The following CIAPIN1 variants were observed in gnomAD, a reference collection of about 807,000 sequenced individuals.
CIAPIN1 encodes anamorsin.
A neutral mutation model predicts 34.3 loss-of-function variants in CIAPIN1; 18 were observed. The observed-to-expected ratio is 0.52, with a 90% CI of 0.36 to 0.78. CIAPIN1 has a LOEUF of 0.78. Ranked by LOEUF, CIAPIN1 falls within the 30% of genes least tolerant of loss-of-function variation. The pLI, the probability that CIAPIN1 is intolerant of heterozygous loss-of-function variation, is 0.00. For synonymous variants in CIAPIN1, 131 were observed against 140.4 expected (o/e 0.93, Z 0.47); for missense variants, 310 against 372.5 (o/e 0.83, Z 1.38).
chr16:57,442,120 C>T (rs1476621128), intron 1 of CIAPIN1, among the ~76,000 whole-genome samples: 5 of 152,130 alleles, frequency 3.3e-5, no homozygotes, highest in Admixed American at 1.3e-4. Flanking sequence ...CCGAGCCAGG[C>T]GAATTGCCTG....
At position 57,430,263 on chromosome 16, in the gene CIAPIN1, C is replaced by G; in HGVS notation, c.823G>C (p.Gly275Arg). The G allele has an allele frequency of 1.2e-6, 2 of 1,614,092 alleles. No homozygotes were observed. The highest frequency in any genetic ancestry group is 1.7e-6 in the Non-Finnish European group (2 of 1,179,948). ...GGAATGATCCTGATATTTACGTTTC[C>G]ACAAGCTGACTTGGGTTGGGAGCTC... ...QMSSQPKSAC[G>R]NCYLGDAFRC... Residue 275 changes from glycine to arginine, a missense_variant, in exon 8 of 9, where the codon GGA becomes CGA. Transcript: ENST00000394391.
intron 6 of CIAPIN1, chr16:57,431,604 A>G (rs1017999978): frequency 6.7e-5 from 12 of 178,846 alleles, no homozygotes; most frequent in Non-Finnish European, 1.3e-4. Context: ...GGCAGAACAG[A>G]GAAAGAGAGA....
At chr16:57,433,805 C>G in intron 5 of CIAPIN1, 2 of 406,884 alleles carry the variant, frequency 4.9e-6, no homozygotes, top group South Asian at 4.3e-5. Context: ...AATTAGGAGG[C>G]CTCGGTATCT....
intron 4 of CIAPIN1, among the ~76,000 whole-genome samples, chr16:57,434,898 G>A (rs1903166053): frequency 6.6e-6 from 1 of 152,178 alleles, no homozygotes; most frequent in African/African-American, 2.4e-5. Context: ...AGGTCTGAAC[G>A]GACATACAAA....
chr16:57,433,849 A>G (rs563352963), intron 5 of CIAPIN1, 195 bp downstream of exon 5: 5 of 521,150 alleles, frequency 9.6e-6, no homozygotes, highest in Non-Finnish European at 1.7e-5. Flanking sequence ...ACTAGATAAT[A>G]CCTATGTATT....
rs571370853 is a variant in CIAPIN1, at chr16:57,432,391, C to T, written c.630+96G>A. The T allele has an allele frequency of 3.0e-4, 287 of 961,724 alleles. 3 individuals carry two copies. The South Asian group carries it at 4.5e-3, about 15-fold the overall frequency. The allele number at this position is 961,724 out of a possible 1,614,324, so 59.6% of individuals were successfully genotyped here. On this transcript the variant is annotated intron_variant, in intron 6 of 8. Coordinates refer to ENST00000394391, the MANE Select transcript of CIAPIN1 (RefSeq NM_020313.4). ...TAGTCACAAATCTGGGCTTTAAATA[C>T]GTTCACACCTACAAGTCCAGAAAGG...
chr16:57,434,944 G>A (rs76505430), intron 4 of CIAPIN1, among the ~76,000 whole-genome samples: 2,642 of 152,314 alleles, frequency 0.017, 79 homozygotes, highest in African/African-American at 0.06. Context: ...AGGGAAGTGT[G>A]AGCAAGAAGT....
chr16:57,434,105 G>A lies in CIAPIN1; in HGVS notation c.495C>T (p.Asn165=), dbSNP rs200444496. ...GCTGCCTAGAAGAACCCACTTCAAA[G>A]TTTGGTTTTTTGCCTGTGATCTGAA... ...LFVQITGKKP[N]FEVGSSRQLK... Residue 165 remains asparagine (N), a synonymous_variant, in exon 5 of 9, where the codon AAC becomes AAT. Coordinates refer to ENST00000394391, the MANE Select transcript of CIAPIN1 (RefSeq NM_020313.4). The A allele has an allele frequency of 1.3e-3, 2,122 of 1,614,168 alleles. 4 individuals carry two copies. Among genetic ancestry groups the A allele is most frequent in the Non-Finnish European group, 1.6e-3 (1,910 of 1,180,022 alleles).
rs188460051 is a variant in CIAPIN1 at position 57,438,285 on chromosome 16, G to A, written c.310+897C>T. ...GAATCACTCTGACAGCTATACCACC[G>A]ATCAAAAAAGTTTTTACTTCATGAA... On this transcript the variant is annotated intron_variant, in intron 3 of 8. Transcript: ENST00000394391. Among the ~76,000 whole-genome samples, 12 of 152,146 alleles carry A rather than the reference G, an allele frequency of 7.9e-5. No homozygotes were observed. In the East Asian group the frequency reaches 9.7e-4, roughly 12 times the overall value.
rs758133148 is a variant in CIAPIN1 at position 57,429,295 on chromosome 16, T to G, written c.829-15A>C. On this transcript the variant is annotated splice_polypyrimidine_tract_variant and intron_variant, in intron 8 of 8. Coordinates refer to ENST00000394391, the MANE Select transcript of CIAPIN1 (RefSeq NM_020313.4). ...CCCAGGTAGCACTGGAGAGAGAGAA[T>G]GGGGAAGCCAAGGGTCAGCTTATCC... The G allele has an allele frequency of 6.3e-7, 1 of 1,577,200 alleles. No homozygotes were observed. The highest frequency in any genetic ancestry group is 8.7e-7 in the Non-Finnish European group (1 of 1,146,578).
chr16:57,429,892 G>A (rs865889590), intron 8 of CIAPIN1, among the ~76,000 whole-genome samples: 26 of 150,914 alleles, frequency 1.7e-4, no homozygotes, highest in Non-Finnish European at 2.8e-4. Context: ...TGATTCTCCC[G>A]CCTCAGCCTC....
At chr16:57,432,374 A>G in intron 6 of CIAPIN1, 113 bp downstream of exon 6, 1 of 819,978 alleles carries the variant, frequency 1.2e-6, no homozygotes, top group Non-Finnish European at 1.9e-6. Context: ...CATAGTCACA[A>G]ATCTGGGCTT....
intron 5 of CIAPIN1, chr16:57,433,616 T>C (rs1275228670): frequency 4.5e-6 from 1 of 221,462 alleles, no homozygotes; most frequent in Admixed American, 5.3e-5. Flanking sequence ...ATAAGTGTCT[T>C]AGCATCCTCA....
intron 5 of CIAPIN1, among the ~76,000 whole-genome samples, chr16:57,433,425 G>A (rs533169967): frequency 5.3e-5 from 8 of 152,310 alleles, no homozygotes; most frequent in Non-Finnish European, 1.2e-4. Flanking sequence ...AACCGTACAA[G>A]TGGGAATGTA....
At chr16:57,446,393 G>A (rs560494575) in intron 1 of CIAPIN1, among the ~76,000 whole-genome samples, 3 of 152,168 alleles carry the variant, frequency 2.0e-5, no homozygotes, top group Admixed American at 1.3e-4. Context: ...CCCCGCACCC[G>A]TGCAGGGGGG....
chr16:57,446,454 A>G (rs2030075303), intron 1 of CIAPIN1, among the ~76,000 whole-genome samples: 1 of 152,240 alleles, frequency 6.6e-6, no homozygotes, highest in African/African-American at 2.4e-5. Context: ...GCAAAGCACA[A>G]CTTTAACAGA....
chr16:57,436,586 G>T, intron 4 of CIAPIN1, 70 bp downstream of exon 4: 1 of 1,179,614 alleles, frequency 8.5e-7, no homozygotes. Context: ...AGCATTTCTT[G>T]TTTCCTAGTT....
At chr16:57,433,105 CAAGAA>C (rs139758536) in intron 5 of CIAPIN1, among the ~76,000 whole-genome samples, 2,839 of 152,332 alleles carry the variant, frequency 0.019, 30 homozygotes, top group South Asian at 0.031. Context: ...CTGCTACATA[CAAGAA>C]AATAGGCTCT....
chr16:57,430,233 G>A, intron 8 of CIAPIN1, 25 bp downstream of exon 8: 1 of 1,602,414 alleles, frequency 6.2e-7, no homozygotes, highest in Admixed American at 1.7e-5. Flanking sequence ...GTTTGTGAAT[G>A]CTGAGGAATG....
Sources: gnomAD v4.1 joint callset for allele counts (sites outside exome capture counted in the v4.1 genomes callset) on GRCh38, gnomAD v4.1.1 for gene constraint, MANE v1.5 for transcripts, NCBI Gene and HGNC (gene_info 2026-07-23, HGNC 2026-07-21) for gene names.